Variants in SNTG1 observed in about 807,000 individuals in gnomAD.
The protein encoded by SNTG1 is syntrophin gamma 1.
SNTG1 carries 39 observed loss-of-function variants against 74.7 expected under a neutral mutation model. The observed-to-expected ratio is 0.52, with a 90% CI of 0.40 to 0.68. The LOEUF is 0.68. Ranked by LOEUF, SNTG1 falls within the 30% of genes least tolerant of loss-of-function variation. The pLI is 0.00. For synonymous variants in SNTG1, 254 were observed against 217.1 expected (o/e 1.17, Z -1.49); for missense variants, 685 against 609.5 (o/e 1.12, Z -1.30).
intron 17 of SNTG1, among the ~76,000 whole-genome samples, chr8:50,715,668 A>G (rs2095473331): frequency 6.6e-6 from 1 of 152,150 alleles, no homozygotes; most frequent in South Asian, 2.1e-4. Context: ...TATACATTAA[A>G]AGCATTGTTA....
At chr8:49,998,198 G>T (rs954237529) in intron 1 of SNTG1, among the ~76,000 whole-genome samples, 21 of 152,042 alleles carry the variant, frequency 1.4e-4, no homozygotes, top group African/African-American at 5.1e-4. Flanking sequence ...ATCAATAACG[G>T]TATGCTTATA....
chr8:50,731,394 A>T (rs1234508608), intron 17 of SNTG1, among the ~76,000 whole-genome samples: 1 of 152,066 alleles, frequency 6.6e-6, no homozygotes, highest in Non-Finnish European at 1.5e-5. Flanking sequence ...TTTTTTTGAG[A>T]GTTTTAGTAT....
intron 12 of SNTG1, among the ~76,000 whole-genome samples, chr8:50,555,415 G>A (rs1269137834): frequency 6.6e-6 from 1 of 152,180 alleles, no homozygotes; most frequent in African/African-American, 2.4e-5. Flanking sequence ...AAGTCACATT[G>A]ATTTCAGAGA....
chr8:50,131,226 G>A (rs1349301974), intron 1 of SNTG1, among the ~76,000 whole-genome samples: 1 of 152,056 alleles, frequency 6.6e-6, no homozygotes, highest in Non-Finnish European at 1.5e-5. Flanking sequence ...AATCAGGAAA[G>A]CATTCACAAA....
intron 12 of SNTG1, among the ~76,000 whole-genome samples, chr8:50,588,532 C>A (rs919863203): frequency 6.6e-6 from 1 of 152,010 alleles, no homozygotes; most frequent in Admixed American, 6.6e-5. Flanking sequence ...ATTATATTAC[C>A]CTAATACACA....
At chr8:50,316,529 A>T (rs998098985) in intron 2 of SNTG1, among the ~76,000 whole-genome samples, 1 of 152,198 alleles carries the variant, frequency 6.6e-6, no homozygotes, top group African/African-American at 2.4e-5. Context: ...TATATAGCAA[A>T]TCTGTCCAAA....
chr8:50,581,710 G>A (rs938142846), intron 12 of SNTG1, among the ~76,000 whole-genome samples: 8 of 152,112 alleles, frequency 5.3e-5, no homozygotes, highest in African/African-American at 1.9e-4. Context: ...GGAAATGGAA[G>A]CTTTTATTGG....
At chr8:50,314,720 AC>A (rs1318963785) in intron 2 of SNTG1, among the ~76,000 whole-genome samples, 2 of 149,984 alleles carry the variant, frequency 1.3e-5, no homozygotes, top group Non-Finnish European at 1.5e-5. Flanking sequence ...CCCTTCCTTT[AC>A]CCCATGTCGA....
intron 2 of SNTG1, among the ~76,000 whole-genome samples, chr8:50,330,925 C>A (rs1210395189): frequency 5.9e-5 from 9 of 152,142 alleles, no homozygotes; most frequent in African/African-American, 2.2e-4. Context: ...TGAGGATTAA[C>A]AATTCGAGAT....
chr8:50,613,915 A>G (rs1025581502), intron 13 of SNTG1, among the ~76,000 whole-genome samples: 1 of 152,160 alleles, frequency 6.6e-6, no homozygotes, highest in Admixed American at 6.6e-5. Context: ...TAAAACACTC[A>G]CACATTCACA....
chr8:50,542,644 T>C (rs1242180088), intron 11 of SNTG1, among the ~76,000 whole-genome samples: 4 of 152,336 alleles, frequency 2.6e-5, no homozygotes, highest in Non-Finnish European at 5.9e-5. Context: ...TAGTCTTATT[T>C]TCAGTTTTTT....
chr8:50,629,866 A>G (rs1399871984), intron 13 of SNTG1, among the ~76,000 whole-genome samples: 4 of 152,146 alleles, frequency 2.6e-5, no homozygotes, highest in Non-Finnish European at 2.9e-5. Context: ...GGGACGACCA[A>G]TTGTCTGATG....
intron 18 of SNTG1, among the ~76,000 whole-genome samples, chr8:50,759,529 C>T (rs10088966): frequency 0.097 from 14,749 of 151,966 alleles, 2,109 homozygotes; most frequent in African/African-American, 0.32. Flanking sequence ...CTGCATATGG[C>T]TAGCCAGTTT....
At chr8:50,329,326 C>A (rs2090871067) in intron 2 of SNTG1, among the ~76,000 whole-genome samples, 1 of 152,130 alleles carries the variant, frequency 6.6e-6, no homozygotes, top group African/African-American at 2.4e-5. Flanking sequence ...GGCTCCAACT[C>A]CACATTTTTC....
chr8:50,703,924 T>C (rs2095434837), intron 15 of SNTG1, among the ~76,000 whole-genome samples: 1 of 152,208 alleles, frequency 6.6e-6, no homozygotes, highest in Admixed American at 6.5e-5. Flanking sequence ...ACATGTTGCA[T>C]TGGGTTACTC....
At chr8:50,490,507 G>A (rs749705735) in intron 8 of SNTG1, among the ~76,000 whole-genome samples, 5 of 152,110 alleles carry the variant, frequency 3.3e-5, no homozygotes, top group East Asian at 1.9e-4. Flanking sequence ...GTATTCCTAG[G>A]TATTTTATTC....
intron 15 of SNTG1, among the ~76,000 whole-genome samples, chr8:50,669,191 G>A (rs989395848): frequency 4.0e-5 from 6 of 150,928 alleles, no homozygotes; most frequent in Non-Finnish European, 8.8e-5. Context: ...TAAAATCAGA[G>A]CAGAACTGAA....
At chr8:50,748,961 T>C (rs1223476739) in intron 17 of SNTG1, among the ~76,000 whole-genome samples, 1 of 152,010 alleles carries the variant, frequency 6.6e-6, no homozygotes, top group Non-Finnish European at 1.5e-5. Context: ...AGCATTCAAA[T>C]GAAAGACTCA....
intron 3 of SNTG1, among the ~76,000 whole-genome samples, chr8:50,395,506 G>GTTTTTT (rs1554514155): frequency 3.7e-5 from 5 of 135,654 alleles, no homozygotes; most frequent in African/African-American, 1.1e-4. Context: ...TCTAATTTCT[G>GTTTTTT]TTTTTTTTTT....
Sources: gnomAD v4.1 joint callset for allele counts (sites outside exome capture counted in the v4.1 genomes callset) on GRCh38, gnomAD v4.1.1 for gene constraint, MANE v1.5 for transcripts, NCBI Gene and HGNC (gene_info 2026-07-23, HGNC 2026-07-21) for gene names.